The following CTNND2 variants were observed in gnomAD, a reference collection of about 807,000 sequenced individuals.
The protein encoded by CTNND2 is catenin delta-2.
Under a neutral mutation model 144.4 loss-of-function variants are expected in CTNND2, and 22 were observed. The observed-to-expected ratio is 0.15, with a 90% CI of 0.11 to 0.22. The LOEUF is 0.22. Among genes scored for constraint, CTNND2 ranks in the 10% least tolerant of loss-of-function variants. CTNND2 has a pLI of 1.00. For missense variants in CTNND2, 1,353 were observed against 1,618.8 expected, an observed-to-expected ratio of 0.84 and a Z score of 2.82; for synonymous variants, 751 against 695.6, an observed-to-expected ratio of 1.08 and a Z score of -1.25.
chr5:11,295,000 G>A (rs1309947790), intron 9 of CTNND2, among the ~76,000 whole-genome samples: 7 of 151,956 alleles, frequency 4.6e-5, no homozygotes, highest in Non-Finnish European at 7.4e-5. Context: ...GGCAGGAGAA[G>A]GAAATAAAGG....
intron 2 of CTNND2, among the ~76,000 whole-genome samples, chr5:11,616,835 G>A (rs1316762307): frequency 6.6e-6 from 1 of 152,058 alleles, no homozygotes; most frequent in Non-Finnish European, 1.5e-5. Context: ...TCAAATTCCT[G>A]GCCTCAAGTG....
At chr5:11,026,194 C>T (rs1463540348) in intron 16 of CTNND2, among the ~76,000 whole-genome samples, 2 of 152,008 alleles carry the variant, frequency 1.3e-5, no homozygotes, top group African/African-American at 4.8e-5. Context: ...CACTGAGATT[C>T]TCTGTGGATG....
intron 1 of CTNND2, among the ~76,000 whole-genome samples, chr5:11,827,943 A>G (rs189960529): frequency 1.3e-5 from 2 of 152,334 alleles, no homozygotes; most frequent in Admixed American, 6.5e-5. Context: ...TCATACCAAA[A>G]TCTAGATATA....
chr5:11,798,967 G>T (rs892539953), intron 1 of CTNND2, among the ~76,000 whole-genome samples: 3 of 152,104 alleles, frequency 2.0e-5, no homozygotes, highest in Non-Finnish European at 4.4e-5. Flanking sequence ...AATTAAGGGA[G>T]GTAACAGGCA....
At chr5:11,583,958 T>C (rs1012966703) in intron 2 of CTNND2, among the ~76,000 whole-genome samples, 8 of 152,202 alleles carry the variant, frequency 5.3e-5, no homozygotes, top group African/African-American at 1.9e-4. Flanking sequence ...TTTTTAATTC[T>C]TTTTCATCTC....
chr5:11,104,030 C>T (rs1485788846), intron 14 of CTNND2, among the ~76,000 whole-genome samples: 2 of 152,160 alleles, frequency 1.3e-5, no homozygotes, highest in African/African-American at 2.4e-5. Context: ...ATACAGTCTC[C>T]GCCAATCAAG....
At chr5:11,413,171 C>G (rs1204311427) in intron 3 of CTNND2, among the ~76,000 whole-genome samples, 1 of 152,078 alleles carries the variant, frequency 6.6e-6, no homozygotes, top group East Asian at 1.9e-4. Flanking sequence ...AATATTGATA[C>G]AGGAAATGAT....
chr5:11,627,584 G>A (rs1342142309), intron 2 of CTNND2, among the ~76,000 whole-genome samples: 2 of 151,942 alleles, frequency 1.3e-5, no homozygotes, highest in African/African-American at 2.4e-5. Flanking sequence ...TAGTCACAAT[G>A]TGGAAATAGT....
At chr5:11,422,947 C>T (rs549883937) in intron 3 of CTNND2, among the ~76,000 whole-genome samples, 1 of 152,174 alleles carries the variant, frequency 6.6e-6, no homozygotes, top group Non-Finnish European at 1.5e-5. Context: ...TTCCCGGAAG[C>T]TTCTCATGCA....
At chr5:11,279,275 C>T (rs562428297) in intron 9 of CTNND2, among the ~76,000 whole-genome samples, 1 of 152,140 alleles carries the variant, frequency 6.6e-6, no homozygotes, top group East Asian at 1.9e-4. Context: ...ATTATGACAC[C>T]CCCTCCAAAA....
At chr5:11,297,812 C>G (rs1749176793) in intron 9 of CTNND2, among the ~76,000 whole-genome samples, 1 of 152,034 alleles carries the variant, frequency 6.6e-6, no homozygotes, top group Non-Finnish European at 1.5e-5. Flanking sequence ...GGATTTTATC[C>G]TAGGATGCAA....
intron 1 of CTNND2, among the ~76,000 whole-genome samples, chr5:11,829,001 T>G (rs567270937): frequency 2.0e-5 from 3 of 152,246 alleles, no homozygotes; most frequent in Admixed American, 2.0e-4. Flanking sequence ...ACACTTGTTA[T>G]GTTTTAGAAG....
At position 11,384,599 on chromosome 5, in the gene CTNND2, G is replaced by GGCT. The variant is rs1758848566; in HGVS notation, c.1177+63_1177+65dup. Reference sequence around the variant, plus strand: ...CCCGGCTTCGCTTCTGCTCAAGCCGGGCTGCTGCTTCCGCGTCCCCGCCAC... The same window carrying GGCT: ...CCCGGCTTCGCTTCTGCTCAAGCCGGGCTGCTGCTGCTTCCGCGTCCCCGCCAC... On this transcript the variant is annotated intron_variant, in intron 7 of 21. Coordinates refer to ENST00000304623, the MANE Select transcript of CTNND2 (RefSeq NM_001332.4). The surrounding 1 kb of genome is among the most constrained non-coding windows in gnomAD (Gnocchi z 5.2). 6.8e-7 allele frequency: 1 copy of GGCT among 1,472,510 alleles called. No homozygotes were observed. The highest frequency in any genetic ancestry group is 9.1e-7 in the Non-Finnish European group (1 of 1,096,798). 91.2% of individuals were successfully genotyped at this position (1,472,510 alleles called of 1,614,324 possible).
At chr5:11,477,833 T>G (rs193238244) in intron 3 of CTNND2, among the ~76,000 whole-genome samples, 1 of 152,130 alleles carries the variant, frequency 6.6e-6, no homozygotes, top group Non-Finnish European at 1.5e-5. Context: ...CTTAGAAAAG[T>G]TGGGTGGTAA....
chr5:11,648,107 T>A (rs1280226795), intron 2 of CTNND2, among the ~76,000 whole-genome samples: 1 of 152,056 alleles, frequency 6.6e-6, no homozygotes, highest in Admixed American at 6.6e-5. Context: ...TAATTTCTTA[T>A]ATAATTTTCT....
At chr5:11,789,730 T>C (rs571582760) in intron 1 of CTNND2, among the ~76,000 whole-genome samples, 18 of 152,284 alleles carry the variant, frequency 1.2e-4, no homozygotes, top group African/African-American at 3.8e-4. Flanking sequence ...ATATTTAGAA[T>C]TGCCTAGTAT....
intron 7 of CTNND2, among the ~76,000 whole-genome samples, chr5:11,375,454 GA>G (rs1757842817): frequency 6.6e-6 from 1 of 152,038 alleles, no homozygotes; most frequent in Admixed American, 6.5e-5. Flanking sequence ...GAGAAGAGAG[GA>G]ATTCTGTTAT....
intron 1 of CTNND2, among the ~76,000 whole-genome samples, chr5:11,864,257 C>G (rs1191058013): frequency 1.3e-5 from 2 of 151,848 alleles, no homozygotes; most frequent in African/African-American, 4.8e-5. Context: ...AATCGTTCTT[C>G]AATTTTAACA....
At chr5:11,207,496 G>A (rs1324735584) in intron 10 of CTNND2, among the ~76,000 whole-genome samples, 2 of 152,034 alleles carry the variant, frequency 1.3e-5, no homozygotes, top group African/African-American at 4.8e-5. Flanking sequence ...CTATAAAGAT[G>A]GACATTGTTT....
Sources: gnomAD v4.1 joint callset for allele counts (sites outside exome capture counted in the v4.1 genomes callset) on GRCh38, gnomAD v4.1.1 for gene constraint, Gnocchi (gnomAD v3.1) non-coding constraint, MANE v1.5 for transcripts, NCBI Gene and HGNC (gene_info 2026-07-23, HGNC 2026-07-21) for gene names.